The following SPATA1 variants were observed in gnomAD, a reference collection of about 807,000 sequenced individuals.
The protein encoded by SPATA1 is spermatogenesis associated 1.
SPATA1 carries 57 observed loss-of-function variants against 59.6 expected under a neutral mutation model. The observed-to-expected ratio is 0.96, with a 90% CI of 0.77 to 1.19. SPATA1 has a LOEUF of 1.19. Ranked by LOEUF, SPATA1 falls within the 50% of genes most tolerant of loss-of-function variation. The probability of loss-of-function intolerance (pLI) is 0.00; values close to 1 mark genes in which losing one functional copy is unlikely to be tolerated. For missense variants in SPATA1, 448 were observed against 480.7 expected (o/e 0.93, Z 0.64); for synonymous variants, 147 against 163.9 (o/e 0.90, Z 0.79).
downstream of SPATA1, among the ~76,000 whole-genome samples, chr1:84,556,649 T>C (rs575534819): frequency 6.8e-6 from 1 of 147,978 alleles, no homozygotes; most frequent in Admixed American, 6.8e-5. Context: ...GAGACGGAGG[T>C]TGCAGTAAGC....
chr1:84,515,101 T>G (rs904649769), intron 1 of SPATA1, among the ~76,000 whole-genome samples: 2 of 152,230 alleles, frequency 1.3e-5, no homozygotes, highest in African/African-American at 4.8e-5. Context: ...TATTATAGAT[T>G]ATTAACTAAT....
intron 3 of SPATA1, among the ~76,000 whole-genome samples, chr1:84,521,819 A>G (rs1683038830): frequency 6.6e-6 from 1 of 152,160 alleles, no homozygotes. Context: ...TAGATGCTCA[A>G]TAAATATGTG....
At chr1:84,557,057 G>A (rs1341792647), downstream of SPATA1, among the ~76,000 whole-genome samples, 2 of 149,834 alleles carry the variant, frequency 1.3e-5, no homozygotes, top group African/African-American at 5.1e-5. Context: ...TCTCAAAATT[G>A]TAAAGGAACA....
intron 8 of SPATA1, among the ~76,000 whole-genome samples, chr1:84,538,905 T>G (rs750269743): frequency 6.6e-6 from 1 of 152,108 alleles, no homozygotes; most frequent in Admixed American, 6.6e-5. Context: ...ACTCAATCCA[T>G]CCTCCCACCT....
chr1:84,531,455 A>T (rs1570423184), intron 6 of SPATA1, among the ~76,000 whole-genome samples: 1 of 151,760 alleles, frequency 6.6e-6, no homozygotes, highest in Non-Finnish European at 1.5e-5. Context: ...GAGCCGCCAT[A>T]CCCAGCCTCT....
intron 4 of SPATA1, among the ~76,000 whole-genome samples, chr1:84,523,627 T>C (rs1277508545): frequency 4.6e-5 from 7 of 152,112 alleles, no homozygotes; most frequent in African/African-American, 1.4e-4. Context: ...ATGGAAAAAA[T>C]AGGCATTTTC....
chr1:84,541,939 T>TG (rs1683920685), intron 8 of SPATA1, among the ~76,000 whole-genome samples: 1 of 152,132 alleles, frequency 6.6e-6, no homozygotes, highest in African/African-American at 2.4e-5. Context: ...TTTGAGTTTT[T>TG]TTTGTTTGTT....
At chr1:84,556,580 T>G (rs1302284952), downstream of SPATA1, among the ~76,000 whole-genome samples, 2 of 151,680 alleles carry the variant, frequency 1.3e-5, no homozygotes, top group African/African-American at 2.4e-5. Context: ...GGCTTGGTGG[T>G]GCATGCCTGT....
intron 8 of SPATA1, among the ~76,000 whole-genome samples, chr1:84,538,211 C>G (rs192051987): frequency 6.6e-6 from 1 of 152,208 alleles, no homozygotes; most frequent in African/African-American, 2.4e-5. Flanking sequence ...TACATCCTCT[C>G]TTTATTAGAA....
chr1:84,521,563 T>C (rs995735416), intron 3 of SPATA1, among the ~76,000 whole-genome samples: 2 of 152,186 alleles, frequency 1.3e-5, no homozygotes, highest in African/African-American at 4.8e-5. Context: ...ACTCACATAT[T>C]ACCTTTTTCT....
intron 3 of SPATA1, among the ~76,000 whole-genome samples, chr1:84,521,369 C>G (rs947305608): frequency 1.4e-4 from 21 of 152,176 alleles, no homozygotes; most frequent in African/African-American, 5.1e-4. Flanking sequence ...ATCTGACTGC[C>G]TGTTGTTACT....
intron 3 of SPATA1, among the ~76,000 whole-genome samples, chr1:84,521,075 C>A (rs1055619327): frequency 1.3e-5 from 2 of 151,550 alleles, no homozygotes; most frequent in Non-Finnish European, 2.9e-5. Flanking sequence ...TGCAGCACTG[C>A]ACTCTAGTCT....
chr1:84,534,657 A>C (rs981803355), intron 8 of SPATA1, among the ~76,000 whole-genome samples: 3 of 152,136 alleles, frequency 2.0e-5, no homozygotes, highest in African/African-American at 7.2e-5. Flanking sequence ...CCAGTTAGAT[A>C]GCATTTACTG....
At position 84,563,960 on chromosome 1, in the gene SPATA1, T is replaced by C. The variant is rs1451826597; in HGVS notation, n.443-1901T>C. The stretch of plus-strand genomic sequence containing the variant: ...ATTTATAAAAAACACTAATATTGTT[T>C]AATATGTTATAAAACATCCCTTAAG... On this transcript the variant is annotated intron_variant and non_coding_transcript_variant, in intron 4 of 4. Coordinates refer to the SPATA1 transcript ENST00000460286. The C allele has an allele frequency of 2.7e-5, 29 of 1,075,936 alleles. 1 individual carries two copies. In the South Asian group the frequency reaches 6.7e-4, roughly 25 times the overall value. 66.6% of individuals were successfully genotyped at this position (1,075,936 alleles called of 1,614,324 possible).
chr1:84,563,152 G>T, intron 4 of SPATA1: 1 of 721,412 alleles, frequency 1.4e-6, no homozygotes, highest in Non-Finnish European at 2.1e-6. Flanking sequence ...TGCATGTTAT[G>T]CCCTAAAAGA....
Position 84,540,561 on chromosome 1 carries a change from A to G in SPATA1, c.718-3641A>G, listed in dbSNP as rs145548647. Among the ~76,000 whole-genome samples the G allele has an allele frequency of 6.6e-5, 10 of 152,224 alleles. No individual in the cohort carries two copies. The East Asian group carries it at 1.9e-3, about 29-fold the overall frequency. On this transcript the variant is annotated intron_variant, in intron 8 of 12. Transcript: ENST00000490879. ...AGTTGTGTTATTTCTACTTTGTCAA[A>G]CAATATAAATTTTTTGTACTGTTCA...
intron 1 of SPATA1, chr1:84,506,761 C>G (rs1269374404): frequency 6.6e-6 from 1 of 152,446 alleles, no homozygotes; most frequent in African/African-American, 2.4e-5. Flanking sequence ...AGGTCGCTGT[C>G]GCGTACCCAG....
At chr1:84,546,192 G>A (rs1196377617) in intron 10 of SPATA1, among the ~76,000 whole-genome samples, 2 of 152,184 alleles carry the variant, frequency 1.3e-5, no homozygotes, top group Non-Finnish European at 2.9e-5. Context: ...AGTGGTTCAT[G>A]CCTGTAATCC....
chr1:84,530,921 T>C (rs6698596), intron 6 of SPATA1, among the ~76,000 whole-genome samples: 27,721 of 152,172 alleles, frequency 0.18, 4,856 homozygotes, highest in African/African-American at 0.45. Context: ...CCCTTATTTG[T>C]CACCAAACAG....
Sources: allele counts gnomAD v4.1 joint callset (sites outside exome capture counted in the v4.1 genomes callset), GRCh38; gene constraint gnomAD v4.1.1; transcripts MANE v1.5; gene names NCBI Gene and HGNC (gene_info 2026-07-23, HGNC 2026-07-21).